The following ELAVL4 variants were observed in gnomAD, a reference collection of about 807,000 sequenced individuals.
ELAVL4 encodes ELAV-like protein 4.
A neutral mutation model predicts 35.6 loss-of-function variants in ELAVL4; 1 was observed. That is an observed-to-expected ratio of 0.03 (90% CI 0.01 to 0.13). The LOEUF is 0.13. Ranked by LOEUF, ELAVL4 falls within the 10% of genes least tolerant of loss-of-function variation. The probability of loss-of-function intolerance (pLI) is 1.00; values close to 1 mark genes in which losing one functional copy is unlikely to be tolerated. For missense variants in ELAVL4, 267 were observed against 464.9 expected (o/e 0.57, Z 3.91); for synonymous variants, 156 against 171.0 (o/e 0.91, Z 0.69).
chr1:50,180,134 C>G (rs1680782298), intron 3 of ELAVL4: 1 of 151,410 alleles, frequency 6.6e-6, no homozygotes, highest in African/African-American at 2.4e-5. Flanking sequence ...CCAACCCACC[C>G]CCACCAAAAA....
At chr1:50,155,154 C>T (rs1473093225) in intron 2 of ELAVL4, among the ~76,000 whole-genome samples, 1 of 146,762 alleles carries the variant, frequency 6.8e-6, no homozygotes, top group East Asian at 2.1e-4. Context: ...GTTATATCTC[C>T]TAATGCTATC....
At chr1:50,181,979 G>T (rs1007210079) in intron 3 of ELAVL4, among the ~76,000 whole-genome samples, 57 of 152,160 alleles carry the variant, frequency 3.7e-4, no homozygotes, top group African/African-American at 1.3e-3. Context: ...CACCGCGCCC[G>T]GCTAGCTTTG....
At chr1:50,160,185 A>G (rs1676542110) in intron 2 of ELAVL4, among the ~76,000 whole-genome samples, 1 of 152,104 alleles carries the variant, frequency 6.6e-6, no homozygotes, top group Admixed American at 6.5e-5. Context: ...TCATTTTCAC[A>G]TCTGCCACGT....
At chr1:50,127,995 T>C (rs1014744808) in intron 1 of ELAVL4, among the ~76,000 whole-genome samples, 25 of 151,810 alleles carry the variant, frequency 1.6e-4, no homozygotes, top group East Asian at 8.1e-4. Context: ...AGAGCCCCCA[T>C]TGGCTTTGGC....
chr1:50,117,753 G>A (rs2148572302), intron 1 of ELAVL4, among the ~76,000 whole-genome samples: 1 of 152,262 alleles, frequency 6.6e-6, no homozygotes, highest in African/African-American at 2.4e-5. Flanking sequence ...TCCCCAGAAA[G>A]AGGCCCATCT....
chr1:50,180,839 T>C (rs1039667250), intron 3 of ELAVL4: 4 of 152,232 alleles, frequency 2.6e-5, no homozygotes, highest in East Asian at 3.8e-4. Context: ...CTTAATATGT[T>C]AGCATGAGCT....
intron 2 of ELAVL4, among the ~76,000 whole-genome samples, chr1:50,147,407 T>C (rs1673913333): frequency 6.6e-6 from 1 of 152,218 alleles, no homozygotes; most frequent in African/African-American, 2.4e-5. Context: ...TACCATTCCA[T>C]AGATGCAGCA....
At chr1:50,126,806 C>A (rs1016530863) in intron 1 of ELAVL4, among the ~76,000 whole-genome samples, 32 of 152,008 alleles carry the variant, frequency 2.1e-4, no homozygotes, top group Admixed American at 6.6e-5. Flanking sequence ...AAACAAAACT[C>A]CCCCATGAAA....
At chr1:50,056,161 G>A (rs2148472422) in intron 1 of ELAVL4, among the ~76,000 whole-genome samples, 1 of 152,292 alleles carries the variant, frequency 6.6e-6, no homozygotes, top group Non-Finnish European at 1.5e-5. Flanking sequence ...CATCTGGGAA[G>A]CAAAAGTTGA....
chr1:50,083,411 T>A (rs1306761109), intron 1 of ELAVL4, among the ~76,000 whole-genome samples: 5 of 152,094 alleles, frequency 3.3e-5, no homozygotes, highest in Non-Finnish European at 5.9e-5. Context: ...ATCAAAGTAG[T>A]TCACAGGTGA....
intron 1 of ELAVL4, among the ~76,000 whole-genome samples, chr1:50,063,186 G>A (rs535711532): frequency 5.9e-5 from 9 of 151,912 alleles, no homozygotes; most frequent in Non-Finnish European, 1.3e-4. Flanking sequence ...TATCTCTCTG[G>A]ACATCCTCGA....
At chr1:50,152,833 A>C (rs1481084662) in intron 2 of ELAVL4, among the ~76,000 whole-genome samples, 2 of 152,328 alleles carry the variant, frequency 1.3e-5, no homozygotes, top group South Asian at 4.2e-4. Flanking sequence ...GAGAAGATAA[A>C]ATTCAGATAG....
chr1:50,122,500 A>G, intron 1 of ELAVL4, among the ~76,000 whole-genome samples: 1 of 152,118 alleles, frequency 6.6e-6, no homozygotes, highest in Non-Finnish European at 1.5e-5. Context: ...AACACTGTAC[A>G]TTTTTATATG....
At chr1:50,059,486 G>A (rs1281821375) in intron 1 of ELAVL4, among the ~76,000 whole-genome samples, 1 of 151,718 alleles carries the variant, frequency 6.6e-6, no homozygotes, top group Non-Finnish European at 1.5e-5. Flanking sequence ...AAACCATAAT[G>A]AGATACCACT....
At chr1:50,113,759 A>G (rs1667479928) in intron 1 of ELAVL4, among the ~76,000 whole-genome samples, 1 of 152,134 alleles carries the variant, frequency 6.6e-6, no homozygotes. Context: ...CCTTTTATTT[A>G]CCACTATCCA....
At chr1:50,196,415 G>C (rs1644063199) in intron 5 of ELAVL4, among the ~76,000 whole-genome samples, 1 of 152,134 alleles carries the variant, frequency 6.6e-6, no homozygotes, top group African/African-American at 2.4e-5. Flanking sequence ...TAAAAGACAG[G>C]TTTCTCTCCA....
chr1:50,121,012 T>G (rs1282306051), intron 1 of ELAVL4, among the ~76,000 whole-genome samples: 2 of 152,082 alleles, frequency 1.3e-5, no homozygotes, highest in Non-Finnish European at 2.9e-5. Context: ...CTGGAGGGCA[T>G]AGATCATGTC....
intron 2 of ELAVL4, among the ~76,000 whole-genome samples, chr1:50,145,755 G>T (rs1188282054): frequency 6.6e-6 from 1 of 152,186 alleles, no homozygotes; most frequent in Non-Finnish European, 1.5e-5. Context: ...TGCATTTGAG[G>T]TATTTTGTTT....
intron 2 of ELAVL4, among the ~76,000 whole-genome samples, chr1:50,159,506 G>C (rs1280686740): frequency 6.6e-6 from 1 of 152,086 alleles, no homozygotes; most frequent in Non-Finnish European, 1.5e-5. Flanking sequence ...CTACTTGGGG[G>C]ACTGAGGCAC....
Sources: gnomAD v4.1 joint callset for allele counts (sites outside exome capture counted in the v4.1 genomes callset) on GRCh38, gnomAD v4.1.1 for gene constraint, MANE v1.5 for transcripts, NCBI Gene and HGNC (gene_info 2026-07-23, HGNC 2026-07-21) for gene names.